The following PDE4D variants were observed in gnomAD, a reference collection of about 807,000 sequenced individuals.
PDE4D encodes the protein phosphodiesterase 4D, also known as 3',5'-cyclic-AMP phosphodiesterase 4D.
Under a neutral mutation model 87.4 loss-of-function variants are expected in PDE4D, and 24 were observed. That is an observed-to-expected ratio of 0.27 (90% CI 0.20 to 0.39). The LOEUF (loss-of-function observed/expected upper bound fraction) is 0.39, where lower values mean the gene tolerates loss of function less well. Ranked by LOEUF, PDE4D falls within the 10% of genes least tolerant of loss-of-function variation. PDE4D has a pLI of 1.00. For synonymous variants in PDE4D, 384 were observed against 383.2 expected (o/e 1.00, Z -0.02); for missense variants, 714 against 1,041.0 (o/e 0.69, Z 4.32).
At chr5:59,269,044 T>C (rs1763335844) in intron 1 of PDE4D, among the ~76,000 whole-genome samples, 2 of 151,806 alleles carry the variant, frequency 1.3e-5, no homozygotes, top group African/African-American at 2.4e-5. Context: ...TTACCTCTCC[T>C]AAAAGGCAAG....
chr5:59,930,344 CAGA>C (rs1383859075), intron 3 of PDE4D, among the ~76,000 whole-genome samples: 5 of 151,860 alleles, frequency 3.3e-5, no homozygotes, highest in East Asian at 1.9e-4. Flanking sequence ...TAGAAGAGAA[CAGA>C]AGAAGTGAAG....
At chr5:59,964,284 A>G (rs575305753) in intron 3 of PDE4D, among the ~76,000 whole-genome samples, 14 of 152,336 alleles carry the variant, frequency 9.2e-5, no homozygotes, top group Admixed American at 3.3e-4. Context: ...TTTTTTAAAT[A>G]AAATTAACCA....
chr5:59,240,708 G>C (rs1026552905), intron 1 of PDE4D, among the ~76,000 whole-genome samples: 1 of 152,060 alleles, frequency 6.6e-6, no homozygotes, highest in African/African-American at 2.4e-5. Flanking sequence ...AAATTTTGGA[G>C]ACCAGAGACC....
intron 2 of PDE4D, among the ~76,000 whole-genome samples, chr5:60,064,516 T>C (rs1267277442): frequency 6.6e-6 from 1 of 152,144 alleles, no homozygotes; most frequent in Non-Finnish European, 1.5e-5. Context: ...CAGGCAGCAC[T>C]ACTTTGCAAT....
chr5:60,044,145 AGAG>A (rs1212244218), intron 2 of PDE4D, among the ~76,000 whole-genome samples: 6 of 152,228 alleles, frequency 3.9e-5, no homozygotes, highest in Non-Finnish European at 7.4e-5. Context: ...AATAGCTAAA[AGAG>A]GAGAATTGGA....
intron 1 of PDE4D, among the ~76,000 whole-genome samples, chr5:59,766,364 C>G (rs1486784058): frequency 6.6e-6 from 1 of 152,134 alleles, no homozygotes; most frequent in Non-Finnish European, 1.5e-5. Flanking sequence ...ACCTGATACA[C>G]TAAAATGAAA....
At chr5:60,243,463 G>A (rs920894570) in intron 1 of PDE4D, among the ~76,000 whole-genome samples, 4 of 151,836 alleles carry the variant, frequency 2.6e-5, no homozygotes, top group African/African-American at 7.2e-5. Context: ...CTCATTCTAC[G>A]ATGCCAGTAT....
chr5:59,152,469 C>G (rs888153543), intron 5 of PDE4D, among the ~76,000 whole-genome samples: 1 of 151,904 alleles, frequency 6.6e-6, no homozygotes, highest in Non-Finnish European at 1.5e-5. Flanking sequence ...ATGAACATAC[C>G]TTTTTTAAAG....
At chr5:60,255,863 T>C (rs1227273610) in intron 1 of PDE4D, among the ~76,000 whole-genome samples, 2 of 151,892 alleles carry the variant, frequency 1.3e-5, no homozygotes, top group Non-Finnish European at 2.9e-5. Context: ...ATGCAACATA[T>C]TTTCCAATGT....
intron 2 of PDE4D, among the ~76,000 whole-genome samples, chr5:60,014,201 G>A (rs1765304035): frequency 1.3e-5 from 2 of 151,794 alleles, no homozygotes; most frequent in Admixed American, 6.6e-5. Context: ...GAGGTGCCAG[G>A]TATATGACTG....
chr5:59,494,789 C>T lies in PDE4D; in HGVS notation c.456-278821G>A, dbSNP rs114465497. ...AACAATCCCACCAGCAACGTACCTT[C>T]CCCGTAAACATGCCCCTCAAAATAA... On this transcript the variant is annotated intron_variant, in intron 1 of 14. Transcript: ENST00000340635. Among the ~76,000 whole-genome samples the T allele has an allele frequency of 2.5e-3, 379 of 152,280 alleles. 1 individual carries two copies. Among genetic ancestry groups the T allele is most frequent in the African/African-American group, 8.9e-3 (368 of 41,562 alleles).
At chr5:59,198,064 G>A (rs781721886) in intron 2 of PDE4D, among the ~76,000 whole-genome samples, 5 of 152,138 alleles carry the variant, frequency 3.3e-5, no homozygotes, top group Admixed American at 2.0e-4. Context: ...AGTGAATATC[G>A]CCTGGACATT....
chr5:60,118,046 A>G (rs1386508393), intron 2 of PDE4D, among the ~76,000 whole-genome samples: 1 of 152,152 alleles, frequency 6.6e-6, no homozygotes, highest in African/African-American at 2.4e-5. Flanking sequence ...ATTTAACCAC[A>G]TTCTCCTGAA....
intron 1 of PDE4D, among the ~76,000 whole-genome samples, chr5:59,679,546 C>T (rs906627514): frequency 7.9e-5 from 12 of 152,108 alleles, no homozygotes; most frequent in African/African-American, 2.9e-4. Context: ...TATATGCACT[C>T]CACACAAAGA....
chr5:59,240,102 T>C (rs909689044), intron 1 of PDE4D, among the ~76,000 whole-genome samples: 2 of 152,176 alleles, frequency 1.3e-5, no homozygotes, highest in Non-Finnish European at 1.5e-5. Context: ...CTTCCAGTTA[T>C]TAAAACTAAC....
chr5:59,863,235 T>C (rs541955111), intron 1 of PDE4D, among the ~76,000 whole-genome samples: 11 of 152,320 alleles, frequency 7.2e-5, no homozygotes, highest in African/African-American at 2.6e-4. Context: ...CTAGTGTCTG[T>C]CTAGGTACTC....
intron 2 of PDE4D, among the ~76,000 whole-genome samples, chr5:60,014,981 C>T (rs1247187374): frequency 2.0e-5 from 3 of 152,104 alleles, no homozygotes; most frequent in Non-Finnish European, 4.4e-5. Flanking sequence ...TAACATGTTC[C>T]CAGCTGGATC....
At chr5:59,112,415 C>T (rs1431235049) in intron 5 of PDE4D, among the ~76,000 whole-genome samples, 3 of 152,228 alleles carry the variant, frequency 2.0e-5, no homozygotes, top group African/African-American at 7.2e-5. Context: ...TTTGCACTGA[C>T]TGCTGTCTTT....
At chr5:59,322,909 C>A (rs577593289) in intron 1 of PDE4D, among the ~76,000 whole-genome samples, 2 of 152,208 alleles carry the variant, frequency 1.3e-5, no homozygotes, top group South Asian at 4.1e-4. Context: ...GGACTATGAG[C>A]AAGAAGCAAA....
Sources: allele counts gnomAD v4.1 joint callset (sites outside exome capture counted in the v4.1 genomes callset), GRCh38; gene constraint gnomAD v4.1.1; transcripts MANE v1.5; gene names NCBI Gene and HGNC (gene_info 2026-07-23, HGNC 2026-07-21).